NEBL: variants seen among roughly 807,000 people sequenced by gnomAD.
The protein encoded by NEBL is nebulette.
In NEBL, 122 loss-of-function variants were observed where a neutral mutation model predicts 140.2. The observed-to-expected ratio is 0.87, with a 90% CI of 0.75 to 1.01. NEBL has a LOEUF of 1.01. Ranked by LOEUF, NEBL falls within the 50% of genes least tolerant of loss-of-function variation. NEBL has a pLI of 0.00. For missense variants in NEBL, 1,365 were observed against 1,231.3 expected (o/e 1.11, Z -1.62); for synonymous variants, 436 against 398.9 (o/e 1.09, Z -1.11).
At chr10:21,060,371 C>T (rs1228345703) in intron 2 of NEBL, among the ~76,000 whole-genome samples, 1 of 152,180 alleles carries the variant, frequency 6.6e-6, no homozygotes, top group African/African-American at 2.4e-5. Flanking sequence ...TCACAAGGCA[C>T]AGAATTTTAG....
intron 3 of NEBL, among the ~76,000 whole-genome samples, chr10:21,198,789 T>A (rs895473145): frequency 6.6e-6 from 1 of 151,966 alleles, no homozygotes; most frequent in African/African-American, 2.4e-5. Flanking sequence ...GCCTGCCCTA[T>A]GACAGACCTT....
chr10:21,247,150 C>A (rs1842527317), intron 3 of NEBL, among the ~76,000 whole-genome samples: 1 of 152,158 alleles, frequency 6.6e-6, no homozygotes, highest in Non-Finnish European at 1.5e-5. Context: ...CCCCGCTATG[C>A]TTCCTGTGTA....
intron 2 of NEBL, among the ~76,000 whole-genome samples, chr10:21,136,261 C>A (rs1164694044): frequency 6.6e-6 from 1 of 152,210 alleles, no homozygotes; most frequent in Non-Finnish European, 1.5e-5. Context: ...TTTCCAAAAT[C>A]TCCATTTTTA....
At chr10:21,165,084 A>T (rs1226510363) in intron 2 of NEBL, among the ~76,000 whole-genome samples, 1 of 152,192 alleles carries the variant, frequency 6.6e-6, no homozygotes, top group African/African-American at 2.4e-5. Context: ...TATAAGTAAA[A>T]GAGTGGACTG....
At chr10:21,000,201 A>T (rs910927343) in intron 3 of NEBL, among the ~76,000 whole-genome samples, 68 of 84,114 alleles carry the variant, frequency 8.1e-4, no homozygotes, top group African/African-American at 3.2e-3. Flanking sequence ...GGGGGAATAG[A>T]GGGGGTATAG....
chr10:20,879,179 A>T (rs1845784829), intron 5 of NEBL, among the ~76,000 whole-genome samples: 1 of 152,188 alleles, frequency 6.6e-6, no homozygotes. Context: ...AGTAACCTTT[A>T]AGGTGGAGAC....
chr10:20,831,630 A>G (rs1214758092), intron 14 of NEBL, 47 bp from the exon 15 acceptor site: 2 of 1,260,062 alleles, frequency 1.6e-6, no homozygotes, highest in South Asian at 2.4e-5. Flanking sequence ...TCATTTGAGA[A>G]ACTGCTCAAA....
At chr10:20,884,525 G>C (rs1846299371) in intron 4 of NEBL, among the ~76,000 whole-genome samples, 1 of 152,212 alleles carries the variant, frequency 6.6e-6, no homozygotes, top group African/African-American at 2.4e-5. Flanking sequence ...CCTCTGAAAA[G>C]TATGATTTAT....
At chr10:20,845,084 C>T (rs1841774530) in intron 12 of NEBL, among the ~76,000 whole-genome samples, 174 bp downstream of exon 12, 1 of 151,936 alleles carries the variant, frequency 6.6e-6, no homozygotes, top group Admixed American at 6.6e-5. Flanking sequence ...TGTTAACACA[C>T]ACTTTCTTGT....
intron 4 of NEBL, among the ~76,000 whole-genome samples, chr10:20,954,041 A>G (rs1049028574): frequency 6.7e-6 from 1 of 148,678 alleles, no homozygotes; most frequent in African/African-American, 2.4e-5. Context: ...AAAAAAAAAA[A>G]AAGAAAGAAA....
intron 3 of NEBL, among the ~76,000 whole-genome samples, chr10:21,187,357 T>C (rs1841492245): frequency 6.6e-6 from 1 of 152,146 alleles, no homozygotes; most frequent in Non-Finnish European, 1.5e-5. Context: ...GAGAAGTTTT[T>C]TGGGGGAAGC....
chr10:21,238,462 G>T (rs1234540886), intron 3 of NEBL, among the ~76,000 whole-genome samples: 1 of 151,902 alleles, frequency 6.6e-6, no homozygotes, highest in Non-Finnish European at 1.5e-5. Flanking sequence ...CACTTTGGGA[G>T]GCTGAGGCAG....
intron 3 of NEBL, among the ~76,000 whole-genome samples, chr10:21,014,231 C>G (rs1356031198): frequency 6.6e-6 from 1 of 152,030 alleles, no homozygotes; most frequent in Non-Finnish European, 1.5e-5. Context: ...TCAAGTGATC[C>G]TTGCACCTCA....
At chr10:20,886,856 T>C (rs1846567422) in intron 4 of NEBL, among the ~76,000 whole-genome samples, 1 of 152,158 alleles carries the variant, frequency 6.6e-6, no homozygotes, top group South Asian at 2.1e-4. Context: ...AAATGAAGAA[T>C]ACAAACTATG....
chr10:21,011,552 T>C (rs1838338650), intron 3 of NEBL, among the ~76,000 whole-genome samples: 1 of 152,228 alleles, frequency 6.6e-6, no homozygotes, highest in Non-Finnish European at 1.5e-5. Context: ...CTGGGACCCA[T>C]GCCCACATTC....
At chr10:21,238,716 TAAAAAAA>T (rs35732687) in intron 3 of NEBL, among the ~76,000 whole-genome samples, 13 of 94,486 alleles carry the variant, frequency 1.4e-4, no homozygotes, top group South Asian at 4.0e-4. Flanking sequence ...TCAAAAAAAT[TAAAAAAA>T]AAAAAAAAAA....
chr10:21,142,067 G>A (rs538807050), intron 2 of NEBL, among the ~76,000 whole-genome samples: 1 of 152,218 alleles, frequency 6.6e-6, no homozygotes, highest in South Asian at 2.1e-4. Flanking sequence ...CTCTGTAATA[G>A]GACAAAAGAC....
chr10:21,288,651 C>T (rs1247164461), intron 1 of NEBL, among the ~76,000 whole-genome samples: 1 of 147,634 alleles, frequency 6.8e-6, no homozygotes, highest in Non-Finnish European at 1.5e-5. Context: ...ATCCCAGCTA[C>T]TTTCGAGGCT....
intron 4 of NEBL, among the ~76,000 whole-genome samples, chr10:20,915,789 T>C (rs572139202): frequency 6.6e-6 from 1 of 152,116 alleles, no homozygotes; most frequent in South Asian, 2.1e-4. Context: ...GATGGCTGGG[T>C]CAAATGGTAT....
Sources: gnomAD v4.1 joint callset for allele counts (sites outside exome capture counted in the v4.1 genomes callset) on GRCh38, gnomAD v4.1.1 for gene constraint, MANE v1.5 for transcripts, NCBI Gene and HGNC (gene_info 2026-07-23, HGNC 2026-07-21) for gene names.